Variants in KLF16 observed in about 807,000 individuals in gnomAD.
KLF16 encodes the protein Krueppel-like factor 16.
KLF16 carries 6 observed loss-of-function variants against 6.1 expected under a neutral mutation model. The observed-to-expected ratio is 0.98, with a 90% confidence interval of 0.54 to 1.93. The LOEUF is 1.93. Ranked by LOEUF, KLF16 falls within the 30% of genes most tolerant of loss-of-function variation. KLF16 has a pLI of 0.01. For synonymous variants in KLF16, 211 were observed against 176.5 expected (o/e 1.20, Z -1.55); for missense variants, 355 against 363.8 (o/e 0.98, Z 0.20).
At chr19:1,868,289 C>T (rs779467177), upstream of KLF16, among the ~76,000 whole-genome samples, 1 of 151,980 alleles carries the variant, frequency 6.6e-6, no homozygotes, top group Non-Finnish European at 1.5e-5. Flanking sequence ...CCCGGGACAT[C>T]CAGTGACCCC....
chr19:1,855,674 G>C (rs981662485), intron 1 of KLF16, among the ~76,000 whole-genome samples: 1 of 152,248 alleles, frequency 6.6e-6, no homozygotes, highest in Non-Finnish European at 1.5e-5. Context: ...TCCTTTAGCC[G>C]GGGTCTCACG....
the KLF16 span, chr19:1,874,971 TG>T: frequency 6.6e-6 from 1 of 152,202 alleles, no homozygotes; most frequent in African/African-American, 2.4e-5. Flanking sequence ...GTAACATAGA[TG>T]TAACAGGAAC....
Position 1,857,933 on chromosome 19 carries a change from T to C in KLF16, c.458-3173A>G, listed in dbSNP as rs2011988032. 2.0e-5 allele frequency among the ~76,000 whole-genome samples: 3 copies of C among 151,968 alleles called. No homozygotes were observed. Among genetic ancestry groups the C allele is most frequent in the Admixed American group, 1.3e-4 (2 of 15,272 alleles). ...AGCCGCTGCAGAAAAGGGGGAACAC[T>C]GGTGGTGAGGCCCTGCCAGCCTGGG... On this transcript the variant is annotated intron_variant, in intron 1 of 1. Coordinates refer to ENST00000250916, the MANE Select transcript of KLF16 (RefSeq NM_031918.4). The surrounding 1 kb of genome is among the most constrained non-coding windows in gnomAD (Gnocchi z 4.7).
intron 1 of KLF16, among the ~76,000 whole-genome samples, chr19:1,855,441 G>T (rs1019345319): frequency 6.6e-6 from 1 of 152,082 alleles, no homozygotes; most frequent in Non-Finnish European, 1.5e-5. Flanking sequence ...GGGGTCTCCC[G>T]GGAAGGGGCG....
upstream of KLF16, among the ~76,000 whole-genome samples, chr19:1,865,412 CT>C (rs1334968385): frequency 6.6e-6 from 1 of 152,236 alleles, no homozygotes; most frequent in African/African-American, 2.4e-5. Context: ...CCCGCATTGG[CT>C]TGTGGACAGG....
chr19:1,873,879 G>A, the KLF16 span, among the ~76,000 whole-genome samples: 7 of 152,394 alleles, frequency 4.6e-5, no homozygotes, highest in South Asian at 8.3e-4. Flanking sequence ...GACAGGCAGA[G>A]GGAACACAGT....
upstream of KLF16, among the ~76,000 whole-genome samples, chr19:1,867,565 C>T (rs2012207678): frequency 6.6e-6 from 1 of 152,142 alleles, no homozygotes; most frequent in Non-Finnish European, 1.5e-5. Context: ...GATCCTGTCT[C>T]TAAAAATAGT....
At chr19:1,859,082 C>A (rs920635337) in intron 1 of KLF16, among the ~76,000 whole-genome samples, 1 of 152,012 alleles carries the variant, frequency 6.6e-6, no homozygotes, top group Non-Finnish European at 1.5e-5. Flanking sequence ...CCCCCTACCC[C>A]CCACCCCCTA....
At chr19:1,858,021 C>G (rs534318997) in intron 1 of KLF16, among the ~76,000 whole-genome samples, 1 of 151,804 alleles carries the variant, frequency 6.6e-6, no homozygotes, top group Non-Finnish European at 1.5e-5. Context: ...CCTAGCTCCC[C>G]TGACTTCCCA....
the KLF16 span, among the ~76,000 whole-genome samples, chr19:1,871,387 C>T: frequency 6.6e-6 from 1 of 152,178 alleles, no homozygotes; most frequent in Non-Finnish European, 1.5e-5. Context: ...AGGACGCACT[C>T]AGCGGTCTGT....
the KLF16 span, among the ~76,000 whole-genome samples, chr19:1,872,493 G>A: frequency 1.3e-5 from 2 of 152,158 alleles, no homozygotes; most frequent in South Asian, 2.1e-4. Flanking sequence ...AAAGCACCCC[G>A]CCTGGGCCTG....
At chr19:1,858,698 C>T (rs905229505) in intron 1 of KLF16, among the ~76,000 whole-genome samples, 4 of 152,038 alleles carry the variant, frequency 2.6e-5, no homozygotes, top group African/African-American at 9.7e-5. Context: ...ATCACTACTC[C>T]CTTCTACATA....
At position 1,863,574 on chromosome 19, in the gene KLF16, T is replaced by G; in HGVS notation, c.-77A>C. ...CGTCCGTCCGGCCGGCGGCGGCTGC[T>G]CGAGTGCGGGAGGCGGAGGAGGAGG... On this transcript the variant is annotated 5_prime_UTR_variant, in exon 1 of 2. Transcript: ENST00000250916. 1 of 689,032 alleles carries G rather than the reference T, an allele frequency of 1.5e-6. No individual in the cohort carries two copies. The highest frequency in any genetic ancestry group is 1.8e-6 in the Non-Finnish European group (1 of 564,678). 42.7% of individuals were successfully genotyped at this position (689,032 alleles called of 1,614,324 possible). A position where few individuals can be genotyped will look rare whatever the true frequency, so the allele number is the denominator to read the frequency against.
intron 1 of KLF16, among the ~76,000 whole-genome samples, chr19:1,855,674 G>A (rs981662485): frequency 5.9e-5 from 9 of 152,248 alleles, no homozygotes; most frequent in African/African-American, 9.6e-5. Flanking sequence ...TCCTTTAGCC[G>A]GGGTCTCACG....
chr19:1,868,076 A>G (rs186487608), upstream of KLF16, among the ~76,000 whole-genome samples: 64 of 151,986 alleles, frequency 4.2e-4, no homozygotes, highest in African/African-American at 1.5e-3. Context: ...TTTTTTTACC[A>G]TGTGTATTTA....
In KLF16 at chr19:1,863,563, G is replaced by C; in HGVS notation, c.-66C>G. On this transcript the variant is annotated 5_prime_UTR_variant, in exon 1 of 2. Transcript: ENST00000250916. ...GGCGGGAGCGGCGTCCGTCCGGCCG[G>C]CGGCGGCTGCTCGAGTGCGGGAGGC... 1 of 820,242 alleles carries C rather than the reference G, an allele frequency of 1.2e-6. No individual in the cohort carries two copies. The highest frequency in any genetic ancestry group is 1.5e-6 in the Non-Finnish European group (1 of 682,058). The allele number at this position is 820,242 out of a possible 1,614,324, so 50.8% of individuals were successfully genotyped here.
In KLF16 at chr19:1,863,133, GC is replaced by G; in HGVS notation, c.364del (p.Ala122ProfsTer23). 1 of 1,337,558 alleles carries G rather than the reference GC, an allele frequency of 7.5e-7. No homozygotes were observed. Among genetic ancestry groups the G allele is most frequent in the Non-Finnish European group, 9.7e-7 (1 of 1,026,278 alleles). The allele number at this position is 1,337,558 out of a possible 1,614,324, so 82.9% of individuals were successfully genotyped here. On this transcript the variant is annotated frameshift_variant, in exon 1 of 2. Coordinates refer to ENST00000250916, the MANE Select transcript of KLF16 (RefSeq NM_031918.4). LOFTEE classifies it high-confidence loss of function. ...GGGACAGCGGTGGCTCTTGGCGGCG[GC>G]GGAGGGCGCGGCGCCGGGGGCGCGG... ...SGRAPGAAPS[A>X]AAKSHRCPFP...
chr19:1,855,533 C>T (rs1253237457), intron 1 of KLF16, among the ~76,000 whole-genome samples: 1 of 152,182 alleles, frequency 6.6e-6, no homozygotes, highest in Admixed American at 6.5e-5. Context: ...GCCACTTCCT[C>T]CACAGTCCCC....
At chr19:1,866,597 A>T (rs954709132), upstream of KLF16, among the ~76,000 whole-genome samples, 2 of 147,078 alleles carry the variant, frequency 1.4e-5, no homozygotes, top group Non-Finnish European at 3.0e-5. Context: ...CTGGGTGACA[A>T]GAGAGAAACT....
Sources: allele counts gnomAD v4.1 joint callset (sites outside exome capture counted in the v4.1 genomes callset), GRCh38; gene constraint gnomAD v4.1.1; non-coding constraint Gnocchi (gnomAD v3.1); transcripts MANE v1.5; gene names NCBI Gene and HGNC (gene_info 2026-07-23, HGNC 2026-07-21).